Variants in DST observed in about 807,000 individuals in gnomAD.
DST encodes dystonin.
A neutral mutation model predicts 875.2 loss-of-function variants in DST; 253 were observed. The observed-to-expected ratio is 0.29, with a 90% CI of 0.26 to 0.32. The LOEUF (loss-of-function observed/expected upper bound fraction) is 0.32. Among genes scored for constraint, DST ranks in the 10% least tolerant of loss-of-function variants. The pLI is 1.00. For missense variants in DST, 8,287 were observed against 9,111.6 expected (o/e 0.91, Z 3.68); for synonymous variants, 3,124 against 3,197.1 (o/e 0.98, Z 0.77).
chr6:56,595,785 A>AC (rs544807183), intron 47 of DST, among the ~76,000 whole-genome samples: 2 of 144,120 alleles, frequency 1.4e-5, no homozygotes, highest in African/African-American at 5.9e-5. Context: ...TGCTACCCCC[A>AC]CCCCACCCCG....
intron 9 of DST, among the ~76,000 whole-genome samples, chr6:56,682,376 C>T (rs150456624): frequency 2.3e-3 from 347 of 152,256 alleles, no homozygotes; most frequent in African/African-American, 7.8e-3. Context: ...AGCTCAAAAA[C>T]TGACATAAAA....
chr6:56,699,578 T>C, intron 9 of DST, 75 bp downstream of exon 9: 1 of 667,058 alleles, frequency 1.5e-6, no homozygotes, highest in Non-Finnish European at 2.6e-6. Context: ...AGAACATGAA[T>C]GCATCATTCA....
At chr6:56,709,534 T>C (rs2099354460) in intron 5 of DST, among the ~76,000 whole-genome samples, 1 of 152,208 alleles carries the variant, frequency 6.6e-6, no homozygotes, top group South Asian at 2.1e-4. Flanking sequence ...TCTGACATTA[T>C]AGTGGTTGAT....
intron 9 of DST, among the ~76,000 whole-genome samples, chr6:56,698,142 C>A (rs1325270375): frequency 1.3e-5 from 2 of 152,132 alleles, no homozygotes; most frequent in East Asian, 3.9e-4. Context: ...TTACCTGGAT[C>A]TCCATGAATG....
chr6:56,729,886 A>C (rs1181199938), intron 5 of DST, among the ~76,000 whole-genome samples: 3 of 152,150 alleles, frequency 2.0e-5, no homozygotes, highest in Admixed American at 2.0e-4. Context: ...AAGCTTTCCA[A>C]AGTCGTGATG....
intron 3 of DST, chr6:56,871,099 A>G: frequency 1.1e-5 from 6 of 552,072 alleles, no homozygotes; most frequent in South Asian, 1.1e-4. Flanking sequence ...GAAAACATAT[A>G]TGGCTAATAA....
At chr6:56,824,214 T>C (rs1257500119) in intron 4 of DST, among the ~76,000 whole-genome samples, 1 of 152,234 alleles carries the variant, frequency 6.6e-6, no homozygotes, top group Non-Finnish European at 1.5e-5. Flanking sequence ...TTTCGCTTTG[T>C]TGGCCGGGCT....
intron 36 of DST, chr6:56,617,308 A>T: frequency 1.2e-6 from 2 of 1,613,878 alleles, no homozygotes; most frequent in Non-Finnish European, 1.7e-6. Context: ...TGAGTCCACC[A>T]GATGCTCTGC....
At chr6:56,833,421 C>A (rs554986143) in intron 4 of DST, among the ~76,000 whole-genome samples, 12 of 152,324 alleles carry the variant, frequency 7.9e-5, no homozygotes, top group Admixed American at 6.5e-4. Context: ...AACTTTCCAA[C>A]TCTACTTCTG....
chr6:56,858,283 T>C (rs1562200512), intron 3 of DST, among the ~76,000 whole-genome samples: 1 of 152,130 alleles, frequency 6.6e-6, no homozygotes. Flanking sequence ...GTTAAGGAAG[T>C]CAAAGGTTTC....
At chr6:56,840,333 T>G in intron 4 of DST, among the ~76,000 whole-genome samples, 1 of 152,312 alleles carries the variant, frequency 6.6e-6, no homozygotes, top group Non-Finnish European at 1.5e-5. Context: ...ACACGGTATA[T>G]ACACTGGATA....
chr6:56,563,615 G>A (rs1364491443), intron 55 of DST, among the ~76,000 whole-genome samples: 2 of 152,140 alleles, frequency 1.3e-5, no homozygotes, highest in African/African-American at 4.8e-5. Context: ...GGCTTTTGTT[G>A]CCATTGCTTT....
intron 4 of DST, among the ~76,000 whole-genome samples, chr6:56,811,542 A>G (rs1014091968): frequency 2.0e-5 from 3 of 152,216 alleles, no homozygotes; most frequent in Admixed American, 6.5e-5. Context: ...AAGCAAATCC[A>G]TTTGTAAATT....
intron 4 of DST, among the ~76,000 whole-genome samples, chr6:56,821,617 A>T (rs1470125021): frequency 6.6e-6 from 1 of 152,220 alleles, no homozygotes; most frequent in Non-Finnish European, 1.5e-5. Context: ...TAAATTATAC[A>T]ATCTTGGCAT....
intron 1 of DST, 144 bp from the exon 2 acceptor site, chr6:56,953,963 G>A (rs971369645): frequency 6.9e-6 from 3 of 433,664 alleles, no homozygotes; most frequent in Non-Finnish European, 1.3e-5. Flanking sequence ...GGGGAGGGAG[G>A]AGGAGTCCTG....
At position 56,463,198 on chromosome 6, in the gene DST, T is replaced by TA. The variant is rs143954921; in HGVS notation, c.22960-43dup. The stretch of plus-strand genomic sequence containing the variant: ...CAAATCAAATGAAAAGGATAGCAGA[T>TA]AAAAAAAACAAAGCCACAGAAAGAG... On this transcript the variant is annotated intron_variant, in intron 101 of 103. Coordinates refer to ENST00000680361, the MANE Select transcript of DST (RefSeq NM_001374736.1). The TA allele has an allele frequency of 2.2e-3, 2,656 of 1,203,978 alleles. 6 individuals carry two copies. Among genetic ancestry groups the TA allele is most frequent in the Non-Finnish European group, 2.4e-3 (1,983 of 821,112 alleles). The allele number at this position is 1,203,978 out of a possible 1,614,324, so 74.6% of individuals were successfully genotyped here.
At chr6:56,694,353 A>C (rs2099250844) in intron 9 of DST, among the ~76,000 whole-genome samples, 1 of 152,162 alleles carries the variant, frequency 6.6e-6, no homozygotes, top group Non-Finnish European at 1.5e-5. Flanking sequence ...ATTATATTTT[A>C]CTAAGTAAGA....
chr6:56,638,510 A>G (rs1437167264), intron 22 of DST, among the ~76,000 whole-genome samples: 3 of 152,146 alleles, frequency 2.0e-5, no homozygotes, highest in Admixed American at 6.5e-5. Context: ...CAGGACCAGC[A>G]TCATTTTTTT....
At chr6:56,898,452 T>C (rs1017324563) in intron 3 of DST, among the ~76,000 whole-genome samples, 1 of 152,370 alleles carries the variant, frequency 6.6e-6, no homozygotes, top group South Asian at 2.1e-4. Flanking sequence ...TAAACTTTAA[T>C]GATAGTCACT....
Sources: allele counts gnomAD v4.1 joint callset (sites outside exome capture counted in the v4.1 genomes callset), GRCh38; gene constraint gnomAD v4.1.1; transcripts MANE v1.5; gene names NCBI Gene and HGNC (gene_info 2026-07-23, HGNC 2026-07-21).